Variants in CAST observed in about 807,000 individuals in gnomAD.
CAST encodes MIR583 host.
In CAST, 76 loss-of-function variants were observed where a neutral mutation model predicts 119.6. The ratio of observed to expected loss-of-function variants is 0.64; its 90% CI spans 0.53 to 0.77. CAST has a LOEUF of 0.77. Ranked by LOEUF, CAST falls within the 30% of genes least tolerant of loss-of-function variation. The pLI is 0.00. For missense variants in CAST, 953 were observed against 946.5 expected (o/e 1.01, Z -0.09); for synonymous variants, 319 against 331.6 (o/e 0.96, Z 0.41).
At chr5:96,306,729 G>A in the CAST span, among the ~76,000 whole-genome samples, 1 of 152,134 alleles carries the variant, frequency 6.6e-6, no homozygotes, top group Non-Finnish European at 1.5e-5. Context: ...TCAAGAGCAG[G>A]TTGTTCAGTT....
the CAST span, among the ~76,000 whole-genome samples, chr5:96,074,571 C>T: frequency 5.3e-4 from 81 of 152,334 alleles, no homozygotes; most frequent in African/African-American, 1.9e-3. Flanking sequence ...TAAGGCACCA[C>T]AGTCTTTGGT....
At chr5:96,751,226 G>A (rs924412893) in intron 20 of CAST, among the ~76,000 whole-genome samples, 4 of 151,854 alleles carry the variant, frequency 2.6e-5, no homozygotes, top group Non-Finnish European at 5.9e-5. Context: ...TTTTCCATTA[G>A]TTAATGATTG....
chr5:96,399,590 C>T, the CAST span, among the ~76,000 whole-genome samples: 2 of 152,036 alleles, frequency 1.3e-5, no homozygotes, highest in Non-Finnish European at 2.9e-5. Context: ...AACTGGTTGG[C>T]AAGTACTGCA....
the CAST span, among the ~76,000 whole-genome samples, chr5:96,381,379 C>T: frequency 6.6e-6 from 1 of 152,026 alleles, no homozygotes; most frequent in Admixed American, 6.6e-5. Context: ...TTGGGGTCCT[C>T]AATAATGTTG....
chr5:96,507,192 A>G, the CAST span, among the ~76,000 whole-genome samples: 2 of 152,092 alleles, frequency 1.3e-5, no homozygotes, highest in African/African-American at 4.8e-5. Flanking sequence ...TGGGGATGAG[A>G]AGGAGCCAGC....
chr5:96,423,387 T>A, the CAST span: 2 of 1,613,976 alleles, frequency 1.2e-6, no homozygotes. Context: ...CCTTTGCCCG[T>A]AATGCCTTTT....
the CAST span, among the ~76,000 whole-genome samples, chr5:96,045,594 A>T: frequency 6.6e-5 from 10 of 152,296 alleles, no homozygotes; most frequent in Admixed American, 1.3e-4. Context: ...TAATAATAAA[A>T]TAAATGTAAT....
At chr5:96,294,975 G>A in the CAST span, among the ~76,000 whole-genome samples, 1 of 152,178 alleles carries the variant, frequency 6.6e-6, no homozygotes, top group Non-Finnish European at 1.5e-5. Flanking sequence ...ATCTCCAGAG[G>A]AAAGCTTCAT....
chr5:96,689,002 G>A (rs1752404424), intron 2 of CAST, among the ~76,000 whole-genome samples: 1 of 134,770 alleles, frequency 7.4e-6, no homozygotes, highest in African/African-American at 3.2e-5. Flanking sequence ...TTGTGTGCTT[G>A]TGTGTAGGGG....
the CAST span, among the ~76,000 whole-genome samples, chr5:96,020,418 C>T: frequency 4.6e-5 from 7 of 152,154 alleles, no homozygotes; most frequent in African/African-American, 7.2e-5. Flanking sequence ...CCACAGACAC[C>T]AGTCCCATGG....
the CAST span, among the ~76,000 whole-genome samples, chr5:96,291,484 C>T: frequency 2.8e-4 from 42 of 151,832 alleles, no homozygotes; most frequent in Non-Finnish European, 5.6e-4. Context: ...TTTTTTTTCC[C>T]GGAAGAAAGA....
the CAST span, among the ~76,000 whole-genome samples, chr5:96,043,710 G>C: frequency 6.6e-6 from 1 of 152,146 alleles, no homozygotes; most frequent in Non-Finnish European, 1.5e-5. Context: ...CTTCCCCACT[G>C]TCCCATTCTG....
chr5:96,497,470 C>T, the CAST span, among the ~76,000 whole-genome samples: 1 of 151,958 alleles, frequency 6.6e-6, no homozygotes, highest in African/African-American at 2.4e-5. Flanking sequence ...AGTTTACAGT[C>T]CCACCAACAG....
At chr5:96,058,261 C>G in the CAST span, among the ~76,000 whole-genome samples, 1 of 152,156 alleles carries the variant, frequency 6.6e-6, no homozygotes, top group Non-Finnish European at 1.5e-5. Flanking sequence ...TTCCCAGGGA[C>G]AGCCTTCATA....
chr5:96,350,948 C>A, the CAST span, among the ~76,000 whole-genome samples: 3 of 152,082 alleles, frequency 2.0e-5, no homozygotes, highest in Non-Finnish European at 4.4e-5. Flanking sequence ...AAGTGAAGAA[C>A]CTTGGTAACC....
the CAST span, chr5:96,433,120 C>T: frequency 1.5e-6 from 2 of 1,359,210 alleles, no homozygotes; most frequent in Non-Finnish European, 2.1e-6. Flanking sequence ...CAGACAGACT[C>T]CCCCTTCCCA....
chr5:95,978,443 TCTTG>T, the CAST span, among the ~76,000 whole-genome samples: 1 of 152,228 alleles, frequency 6.6e-6, no homozygotes, highest in African/African-American at 2.4e-5. Context: ...GACATGTATG[TCTTG>T]TTTTGAAAAG....
chr5:96,448,187 A>G, the CAST span, among the ~76,000 whole-genome samples: 1 of 152,214 alleles, frequency 6.6e-6, no homozygotes, highest in Non-Finnish European at 1.5e-5. Context: ...CAGAAAGCGT[A>G]TTAACATGTC....
the CAST span, among the ~76,000 whole-genome samples, chr5:96,120,918 C>A: frequency 1.1e-4 from 16 of 151,854 alleles, no homozygotes; most frequent in Non-Finnish European, 2.2e-4. Context: ...TTGGCTTACT[C>A]TCTCACCTCC....
Sources: allele counts gnomAD v4.1 joint callset (sites outside exome capture counted in the v4.1 genomes callset), GRCh38; gene constraint gnomAD v4.1.1; transcripts MANE v1.5; gene names NCBI Gene and HGNC (gene_info 2026-07-23, HGNC 2026-07-21).